EIF3A: variants seen among roughly 807,000 people sequenced by gnomAD.
The protein encoded by EIF3A is eukaryotic translation initiation factor 3 subunit A.
A neutral mutation model predicts 186.6 loss-of-function variants in EIF3A; 21 were observed. The ratio of observed to expected loss-of-function variants is 0.11; its 90% confidence interval spans 0.08 to 0.16. The LOEUF (loss-of-function observed/expected upper bound fraction) is 0.16. Among genes scored for constraint, EIF3A ranks in the 10% least tolerant of loss-of-function variants. The probability of loss-of-function intolerance (pLI) is 1.00; values close to 1 mark genes in which losing one functional copy is unlikely to be tolerated. For synonymous variants in EIF3A, 563 were observed against 584.3 expected, an observed-to-expected ratio of 0.96 and a Z score of 0.52; for missense variants, 1,306 against 1,796.3, an observed-to-expected ratio of 0.73 and a Z score of 4.93.
rs1844114710 is a variant in EIF3A, at chr10:119,073,730, C to T, written c.240+17G>A. On this transcript the variant is annotated intron_variant, in intron 2 of 21. Transcript: ENST00000369144. ...AAAAACACTTGTTAAAAATATACAA[C>T]CCAGTTCCGTTTGTACCTGTTGACA... 6.3e-7 allele frequency: 1 copy of T among 1,586,122 alleles called. No individual in the cohort carries two copies. The highest frequency in any genetic ancestry group is 8.6e-7 in the Non-Finnish European group (1 of 1,167,068).
Position 119,042,373 on chromosome 10 carries a change from C to T in EIF3A, c.3147G>A (p.Arg1049=). The change falls in exon 19 of 22, where the codon AGG becomes AGA. Residue 1049 remains arginine, a synonymous_variant. Coordinates refer to ENST00000369144, the MANE Select transcript of EIF3A (RefSeq NM_003750.4). The surrounding 1 kb of genome is among the most constrained non-coding windows in gnomAD (Gnocchi z 7.8). ...RRGMDDDRGP[R]RGGADDERSS... ...ATCGCTCATCATCAGCGCCTCCTCG[C>T]CTCGGCCCCCGGTCATCATCCATCC... 1 of 1,613,926 alleles carries T rather than the reference C, an allele frequency of 6.2e-7. No individual in the cohort carries two copies. Among genetic ancestry groups the T allele is most frequent in the African/African-American group, 1.3e-5 (1 of 74,884 alleles).
Position 119,036,079 on chromosome 10 carries a change from T to C in EIF3A, c.4109A>G (p.Asn1370Ser), listed in dbSNP as rs1848124338. 6.2e-7 allele frequency: 1 copy of C among 1,614,034 alleles called. No individual in the cohort carries two copies. Among genetic ancestry groups the C allele is most frequent in the South Asian group, 1.1e-5 (1 of 91,082 alleles). ...GGTCCATCCATCTTCATCAGTCTCA[T>C]TTTTAGTACGACGGAGAGATTCCCT... The part of the protein sequence containing the change: ...KDRESLRRTK[N>S]ETDEDGWTTV... Residue 1370 changes from asparagine to serine, a missense_variant, in exon 22 of 22, where the codon AAT becomes AGT. By Grantham distance (46) the Asn-to-Ser change is conservative. Coordinates refer to ENST00000369144, the MANE Select transcript of EIF3A (RefSeq NM_003750.4).
intron 9 of EIF3A, among the ~76,000 whole-genome samples, chr10:119,060,319 C>G (rs187551326): frequency 1.3e-5 from 2 of 152,126 alleles, no homozygotes; most frequent in East Asian, 3.9e-4. Flanking sequence ...AGCTTTAAAT[C>G]CATAAACCCT....
intron 19 of EIF3A, among the ~76,000 whole-genome samples, chr10:119,040,082 G>T (rs899179550): frequency 6.6e-6 from 1 of 152,224 alleles, no homozygotes; most frequent in African/African-American, 2.4e-5. Flanking sequence ...AGAATGAAGT[G>T]AGACTAGAAG....
chr10:119,044,937 CTTTTCTTTT>C (rs1371772134), intron 17 of EIF3A, among the ~76,000 whole-genome samples: 5 of 66,720 alleles, frequency 7.5e-5, no homozygotes, highest in African/African-American at 1.3e-4. Flanking sequence ...TTTGAATTTT[CTTTTCTTTT>C]TTTTTTTTTT....
Position 119,042,790 on chromosome 10 carries a change from C to G in EIF3A, c.2748-18G>C, listed in dbSNP as rs376591177. 1.3e-6 allele frequency: 2 copies of G among 1,545,138 alleles called. No individual in the cohort carries two copies. Among genetic ancestry groups the G allele is most frequent in the African/African-American group, 2.8e-5 (2 of 72,008 alleles). ...TCCACTCCCTACACAGCAACAAGAA[C>G]AATTAAAAATATATAAAATAAAAAA... On this transcript the variant is annotated intron_variant, in intron 18 of 21. Transcript: ENST00000369144. The surrounding 1 kb of genome is among the most constrained non-coding windows in gnomAD (Gnocchi z 7.8).
intron 15 of EIF3A, 76 bp downstream of exon 15, chr10:119,051,123 A>C (rs755212629): frequency 9.1e-6 from 12 of 1,316,484 alleles, no homozygotes; most frequent in Non-Finnish European, 1.0e-5. Flanking sequence ...GAATATACCA[A>C]TTTGTTAAGG....
intron 7 of EIF3A, among the ~76,000 whole-genome samples, chr10:119,063,945 GGTGC>G (rs1197224465): frequency 2.0e-5 from 3 of 152,164 alleles, no homozygotes; most frequent in Non-Finnish European, 4.4e-5. Flanking sequence ...CCACTGTAGT[GGTGC>G]GTGCCTGTAA....
At chr10:119,054,345 T>C (rs1383048066) in intron 14 of EIF3A, among the ~76,000 whole-genome samples, 1 of 152,178 alleles carries the variant, frequency 6.6e-6, no homozygotes, top group Non-Finnish European at 1.5e-5. Flanking sequence ...CCAATGAAAC[T>C]TTTTCCATAT....
chr10:119,055,124 C>G (rs947694178), intron 14 of EIF3A, among the ~76,000 whole-genome samples: 1 of 152,134 alleles, frequency 6.6e-6, no homozygotes, highest in Admixed American at 6.5e-5. Context: ...CAGAGAATCA[C>G]TTGAACCCGG....
Position 119,042,108 on chromosome 10 carries a change from C to T in EIF3A, c.3412G>A (p.Gly1138Ser), listed in dbSNP as rs375187185. 1.2e-6 allele frequency: 2 copies of T among 1,614,064 alleles called. No homozygotes were observed. The highest frequency in any genetic ancestry group is 2.7e-5 in the African/African-American group (2 of 74,926). The change falls in exon 19 of 22, where the codon GGC becomes AGC. Residue 1138 changes from glycine to serine, a missense_variant. Gly to Ser is a moderately conservative substitution (Grantham distance 56). Transcript: ENST00000369144. This position sits in a 1 kb window ranked among gnomAD's most constrained non-coding sequence, Gnocchi z 7.8. ...IPRRGAEDDRGPWRNMDDDRL... is the reference protein window; with the variant it reads ...IPRRGAEDDRSPWRNMDDDRL... The stretch of plus-strand genomic sequence containing the variant: ...TCATCATCCATGTTTCTCCAAGGGC[C>T]CCTGTCATCCTCTGCACCACGCCTG...
intron 1 of EIF3A, among the ~76,000 whole-genome samples, chr10:119,077,951 C>T (rs940295874): frequency 1.3e-5 from 2 of 152,086 alleles, no homozygotes. Flanking sequence ...TATTGACTTC[C>T]AGATTAATAT....
intron 6 of EIF3A, 23 bp from the exon 7 acceptor site, chr10:119,065,593 T>A (rs762264700): frequency 1.3e-6 from 2 of 1,547,248 alleles, no homozygotes; most frequent in South Asian, 2.3e-5. Context: ...AAGTTTTAAA[T>A]CTGTTAGGTT....
chr10:119,043,523 A>T (rs909930870), intron 18 of EIF3A, among the ~76,000 whole-genome samples: 7 of 152,038 alleles, frequency 4.6e-5, no homozygotes, highest in Non-Finnish European at 7.4e-5. Context: ...CTGAGGCAGG[A>T]GGATCACCTA....
rs140398720 is a variant in EIF3A, at chr10:119,052,368, T to TTTTGTG, written c.2197-1048_2197-1047insCACAAA. Among the ~76,000 whole-genome samples, 24 of 123,060 alleles carry TTTTGTG rather than the reference T, an allele frequency of 2.0e-4. 1 individual carries two copies. In the East Asian group the frequency reaches 2.9e-3, roughly 15 times the overall value. 80.7% of individuals were successfully genotyped at this position (123,060 alleles called of 152,430 possible). A position where few individuals can be genotyped will look rare whatever the true frequency, so the allele number is the denominator to read the frequency against. ...CTTCAGGTTATAGTCTTTTTTGGTTTTGTGTGTGTGTGTGTGTGTGTGTGT... is the reference window on the plus strand; with the variant it reads ...CTTCAGGTTATAGTCTTTTTTGGTTTTTTGTGTGTGTGTGTGTGTGTGTGTGTGTGT... On this transcript the variant is annotated intron_variant, in intron 14 of 21. Coordinates refer to ENST00000369144, the MANE Select transcript of EIF3A (RefSeq NM_003750.4).
intron 11 of EIF3A, 49 bp from the exon 12 acceptor site, chr10:119,058,352 G>A: frequency 7.7e-7 from 1 of 1,294,002 alleles, no homozygotes; most frequent in Non-Finnish European, 1.1e-6. Flanking sequence ...AACATTCTCT[G>A]GTATTAGGCA....
intron 16 of EIF3A, 69 bp from the exon 17 acceptor site, chr10:119,050,054 T>C: frequency 6.8e-7 from 1 of 1,460,936 alleles, no homozygotes; most frequent in Non-Finnish European, 9.4e-7. Context: ...AGTTCCACTT[T>C]TCTGGTATTA....
intron 5 of EIF3A, 27 bp from the exon 6 acceptor site, chr10:119,069,681 C>A (rs766158093): frequency 5.2e-6 from 6 of 1,152,684 alleles, no homozygotes; most frequent in South Asian, 5.0e-5. Context: ...AAATTAAAGT[C>A]ATTGCATTCT....
intron 17 of EIF3A, among the ~76,000 whole-genome samples, chr10:119,047,596 GAC>G (rs976797463): frequency 6.6e-6 from 1 of 152,096 alleles, no homozygotes; most frequent in African/African-American, 2.4e-5. Flanking sequence ...TTCCTAAGGA[GAC>G]AGTCCCATAA....
Sources: gnomAD v4.1 joint callset for allele counts (sites outside exome capture counted in the v4.1 genomes callset) on GRCh38, gnomAD v4.1.1 for gene constraint, Gnocchi (gnomAD v3.1) non-coding constraint, MANE v1.5 for transcripts, NCBI Gene and HGNC (gene_info 2026-07-23, HGNC 2026-07-21) for gene names.